ITGA9: variants seen among roughly 807,000 people sequenced by gnomAD.
ITGA9 encodes the protein integrin alpha-9.
A neutral mutation model predicts 127.8 loss-of-function variants in ITGA9; 56 were observed. The observed-to-expected ratio is 0.44, with a 90% confidence interval of 0.35 to 0.55. The LOEUF is 0.55. Ranked by LOEUF, ITGA9 falls within the 20% of genes least tolerant of loss-of-function variation. The probability of loss-of-function intolerance (pLI) is 0.00; values close to 1 mark genes in which losing one functional copy is unlikely to be tolerated. For synonymous variants in ITGA9, 508 were observed against 514.5 expected, an observed-to-expected ratio of 0.99 and a Z score of 0.17; for missense variants, 1,196 against 1,347.1, an observed-to-expected ratio of 0.89 and a Z score of 1.76.
intron 17 of ITGA9, among the ~76,000 whole-genome samples, chr3:37,683,181 C>G (rs1326570706): frequency 6.6e-6 from 1 of 152,170 alleles, no homozygotes; most frequent in African/African-American, 2.4e-5. Context: ...CACTGACCTC[C>G]TTGCTGTTAC....
At chr3:37,521,489 A>G (rs142672443) in intron 11 of ITGA9, among the ~76,000 whole-genome samples, 2 of 152,296 alleles carry the variant, frequency 1.3e-5, no homozygotes, top group East Asian at 1.9e-4. Context: ...GGCGGCCCCT[A>G]TGATCCTTCT....
chr3:37,748,858 G>A, intron 22 of ITGA9: 2 of 1,215,568 alleles, frequency 1.6e-6, no homozygotes, highest in South Asian at 1.2e-5. Context: ...CCAATGGGAA[G>A]GAGCCTGAGC....
chr3:37,575,215 A>G (rs1288449290), intron 15 of ITGA9, among the ~76,000 whole-genome samples: 2 of 151,894 alleles, frequency 1.3e-5, no homozygotes, highest in African/African-American at 4.8e-5. Flanking sequence ...CAGATTCTAG[A>G]TTGTCCTGTT....
At chr3:37,495,530 G>A (rs1481592563) in intron 5 of ITGA9, among the ~76,000 whole-genome samples, 1 of 152,076 alleles carries the variant, frequency 6.6e-6, no homozygotes, top group African/African-American at 2.4e-5. Context: ...TAATTCATCT[G>A]CAGTCCTGTT....
intron 14 of ITGA9, among the ~76,000 whole-genome samples, chr3:37,534,727 G>A (rs1699191774): frequency 6.6e-6 from 1 of 152,192 alleles, no homozygotes; most frequent in African/African-American, 2.4e-5. Context: ...CATAAAACTT[G>A]GGAACTGGTT....
chr3:37,683,267 TTC>T (rs1700750460), intron 17 of ITGA9, among the ~76,000 whole-genome samples: 2 of 152,212 alleles, frequency 1.3e-5, no homozygotes, highest in Admixed American at 6.5e-5. Flanking sequence ...CTTGCTCCCC[TTC>T]TTTCTTCGGG....
intron 23 of ITGA9, among the ~76,000 whole-genome samples, chr3:37,774,138 A>C (rs1314758004): frequency 6.6e-6 from 1 of 152,242 alleles, no homozygotes; most frequent in African/African-American, 2.4e-5. Flanking sequence ...GCACTGCAGC[A>C]GTTGTTTTCC....
At chr3:37,747,036 C>CCTCTCTCCTA (rs761282981) in intron 22 of ITGA9, among the ~76,000 whole-genome samples, 12 of 152,256 alleles carry the variant, frequency 7.9e-5, no homozygotes, top group Admixed American at 5.2e-4. Context: ...GTCATTCCTT[C>CCTCTCTCCTA]CTCTCTCCTA....
At position 37,452,666 on chromosome 3, in the gene ITGA9, G is replaced by T; in HGVS notation, c.185+107G>T. ...GGTCTCTTCCACGCCGCCGTCCCGA[G>T]GGGGCGATTTAAATGTCTCCGTTGC... On this transcript the variant is annotated intron_variant, in intron 1 of 27. Transcript: ENST00000264741. This position sits in a 1 kb window ranked among gnomAD's most constrained non-coding sequence, Gnocchi z 7.3. 2.9e-6 allele frequency: 3 copies of T among 1,040,800 alleles called. No homozygotes were observed. The highest frequency in any genetic ancestry group is 3.9e-6 in the Non-Finnish European group (3 of 773,224). 64.5% of individuals were successfully genotyped at this position (1,040,800 alleles called of 1,614,324 possible).
intron 26 of ITGA9, among the ~76,000 whole-genome samples, chr3:37,789,641 C>T (rs1036344406): frequency 2.7e-5 from 4 of 149,770 alleles, no homozygotes; most frequent in Non-Finnish European, 5.9e-5. Context: ...TGGTGGCGGG[C>T]GCCTGTAGTC....
chr3:37,665,860 G>A (rs986850522), intron 17 of ITGA9, among the ~76,000 whole-genome samples: 2 of 152,184 alleles, frequency 1.3e-5, no homozygotes, highest in African/African-American at 4.8e-5. Context: ...GTTACCTGGC[G>A]GAGGGTGGGA....
intron 15 of ITGA9, among the ~76,000 whole-genome samples, chr3:37,549,529 C>A (rs544689822): frequency 2.0e-5 from 3 of 152,266 alleles, no homozygotes; most frequent in Non-Finnish European, 4.4e-5. Flanking sequence ...TACAGTTATT[C>A]ATTTACACTG....
At chr3:37,622,180 C>G (rs1700134754) in intron 15 of ITGA9, among the ~76,000 whole-genome samples, 1 of 151,080 alleles carries the variant, frequency 6.6e-6, no homozygotes, top group Admixed American at 6.6e-5. Context: ...CTCCACCTCC[C>G]AGGTTCACAC....
In ITGA9 at chr3:37,799,368, G is replaced by A. The variant is rs990070398; in HGVS notation, c.2890-4455G>A. The stretch of plus-strand genomic sequence containing the variant: ...TGATTTTTGTATTTTTAGTAGACAC[G>A]AGGTTTCACCATGTTGGCCAGACTG... On this transcript the variant is annotated intron_variant, in intron 26 of 27. Coordinates refer to ENST00000264741, the MANE Select transcript of ITGA9 (RefSeq NM_002207.3). The surrounding 1 kb of genome is among the most constrained non-coding windows in gnomAD (Gnocchi z 4.0). Among the ~76,000 whole-genome samples, 27 of 152,060 alleles carry A rather than the reference G, an allele frequency of 1.8e-4. No homozygotes were observed. The highest frequency in any genetic ancestry group is 5.8e-4 in the African/African-American group (24 of 41,474).
At chr3:37,606,165 A>G (rs1559547629) in intron 15 of ITGA9, among the ~76,000 whole-genome samples, 1 of 152,170 alleles carries the variant, frequency 6.6e-6, no homozygotes, top group Non-Finnish European at 1.5e-5. Flanking sequence ...TCATCATAGT[A>G]TGGGTTATTT....
At chr3:37,493,927 C>T (rs562091038) in intron 4 of ITGA9, among the ~76,000 whole-genome samples, 1 of 152,312 alleles carries the variant, frequency 6.6e-6, no homozygotes, top group Non-Finnish European at 1.5e-5. Context: ...AAAAGCTTAT[C>T]TGTTAGTTTT....
intron 18 of ITGA9, among the ~76,000 whole-genome samples, chr3:37,713,867 CTT>C: frequency 6.6e-6 from 1 of 152,306 alleles, no homozygotes; most frequent in East Asian, 1.9e-4. Context: ...TCCCTCCAAT[CTT>C]TTTATTTCTG....
At chr3:37,527,807 A>G (rs1441414544) in intron 13 of ITGA9, among the ~76,000 whole-genome samples, 1 of 150,168 alleles carries the variant, frequency 6.7e-6, no homozygotes, top group Non-Finnish European at 1.5e-5. Context: ...TTTTTTTGAG[A>G]TGGAGTCTTG....
At chr3:37,812,370 G>A (rs886691825) in intron 27 of ITGA9, among the ~76,000 whole-genome samples, 7 of 152,212 alleles carry the variant, frequency 4.6e-5, no homozygotes, top group African/African-American at 1.2e-4. Flanking sequence ...CCCAAAGGCC[G>A]CGGAGTGGGT....
Sources: gnomAD v4.1 joint callset for allele counts (sites outside exome capture counted in the v4.1 genomes callset) on GRCh38, gnomAD v4.1.1 for gene constraint, Gnocchi (gnomAD v3.1) non-coding constraint, MANE v1.5 for transcripts, NCBI Gene and HGNC (gene_info 2026-07-23, HGNC 2026-07-21) for gene names.